Variants in FAM110C observed in about 807,000 individuals in gnomAD.
The protein encoded by FAM110C is family with sequence similarity 110 member C.
FAM110C carries 19 observed loss-of-function variants against 15.7 expected under a neutral mutation model. That is an observed-to-expected ratio of 1.21 (90% CI 0.85 to 1.78). The LOEUF is 1.78. FAM110C is among the 40% of genes most tolerant of loss of function. The pLI is 0.00. For missense variants in FAM110C, 547 were observed against 495.7 expected, an observed-to-expected ratio of 1.10 and a Z score of -0.98; for synonymous variants, 275 against 233.9, an observed-to-expected ratio of 1.18 and a Z score of -1.61.
intron 1 of FAM110C, chr2:44,934 G>T: frequency 6.1e-6 from 6 of 985,416 alleles, no homozygotes; most frequent in Non-Finnish European, 7.2e-6. Context: ...GGAAAGTGCA[G>T]GGAGTCTTCC....
At chr2:41,706 G>A in intron 1 of FAM110C, 79 bp from the exon 2 acceptor site, 1 of 1,531,066 alleles carries the variant, frequency 6.5e-7, no homozygotes. Flanking sequence ...ACATTATACT[G>A]GTCTGGTCCC....
At position 46,235 on chromosome 2, in the gene FAM110C, G is replaced by T; in HGVS notation, c.151C>A (p.Arg51=). Residue 51 remains arginine (R), a synonymous_variant, in exon 1 of 2, where the codon CGG becomes AGG. Transcript: ENST00000327669. Reference sequence around the variant, plus strand: ...GCGACGCCCCGGCCAGTCCCCGGCCGACCCCGCACATACTTGGCGCGATCC... The same window carrying T: ...GCGACGCCCCGGCCAGTCCCCGGCCTACCCCGCACATACTTGGCGCGATCC... ...AADRAKYVRG[R]PGTGRGVASE... is the part of the protein sequence containing the mutation. 1 of 1,401,630 alleles carries T rather than the reference G, an allele frequency of 7.1e-7. No individual in the cohort carries two copies. Among genetic ancestry groups the T allele is most frequent in the Non-Finnish European group, 9.2e-7 (1 of 1,081,538 alleles). 86.8% of individuals were successfully genotyped at this position (1,401,630 alleles called of 1,614,324 possible). A position where few individuals can be genotyped will look rare whatever the true frequency, so the allele number is the denominator to read the frequency against.
rs754624936 is a variant in FAM110C, at chr2:45,983, C to T, written c.403G>A (p.Ala135Thr). ...KLFQGPGKDKAPVPRTGDEGK... is the reference protein window; with the variant it reads ...KLFQGPGKDKTPVPRTGDEGK... ...TCGTCTCCCGTCCGGGGCACCGGCG[C>T]CTTGTCCTTACCCGGCCCCTGGAAG... The change falls in exon 1 of 2, where the codon GCG (alanine) becomes ACG (threonine). Residue 135 changes from alanine (A) to threonine (T), a missense_variant. Physicochemically the swap from Ala to Thr is moderately conservative, Grantham distance 58. Transcript: ENST00000327669. The T allele has an allele frequency of 2.0e-6, 3 of 1,466,366 alleles. No homozygotes were observed. Among genetic ancestry groups the T allele is most frequent in the African/African-American group, 3.0e-5 (2 of 67,674 alleles). The allele number at this position is 1,466,366 out of a possible 1,614,324, so 90.8% of individuals were successfully genotyped here.
At position 45,870 on chromosome 2, in the gene FAM110C, C is replaced by A; in HGVS notation, c.516G>T (p.Ala172=). Residue 172 remains alanine (A), a synonymous_variant, in exon 1 of 2, where the codon GCG becomes GCT. Coordinates refer to ENST00000327669, the MANE Select transcript of FAM110C (RefSeq NM_001077710.3). The stretch of plus-strand genomic sequence containing the variant: ...GGACACTGGAGGGCGCCGCGGACCG[C>A]GCGGCTGGGGCTGGGGTCTCGGGGA... The part of the protein sequence containing the change: ...PAIPETPAPA[A]RSAAPSSVPA... The A allele has an allele frequency of 6.7e-7, 1 of 1,489,044 alleles. No individual in the cohort carries two copies. The highest frequency in any genetic ancestry group is 2.6e-5 in the East Asian group (1 of 39,020). The allele number at this position is 1,489,044 out of a possible 1,614,324, so 92.2% of individuals were successfully genotyped here.
At chr2:44,859 A>C in intron 1 of FAM110C, 2 of 985,438 alleles carry the variant, frequency 2.0e-6, no homozygotes, top group South Asian at 9.4e-5. Flanking sequence ...CTTTGTTGCT[A>C]AGTGAATGCC....
rs13024754 is a variant in FAM110C at position 43,361 on chromosome 2, C to T, written c.947-1734G>A. 3.1e-3 allele frequency: 3,055 copies of T among 985,382 alleles called. 8 individuals carry two copies. The highest frequency in any genetic ancestry group is 6.8e-3 in the Middle Eastern group (13 of 1,914). 61.0% of individuals were successfully genotyped at this position (985,382 alleles called of 1,614,324 possible). Reference sequence around the variant, plus strand: ...GCCATTGTCTCCAGTCTGGAACAAACGGGATTCAGGTGGAGGGAGACATGA... The same window carrying T: ...GCCATTGTCTCCAGTCTGGAACAAATGGGATTCAGGTGGAGGGAGACATGA... On this transcript the variant is annotated intron_variant, in intron 1 of 1. Coordinates refer to ENST00000327669, the MANE Select transcript of FAM110C (RefSeq NM_001077710.3).
At chr2:43,677 A>G in intron 1 of FAM110C, 2 of 985,238 alleles carry the variant, frequency 2.0e-6, no homozygotes, top group Non-Finnish European at 2.4e-6. Flanking sequence ...TTTTATTTTT[A>G]TGTTGTCAGG....
At chr2:43,231 C>T (rs1664175041) in intron 1 of FAM110C, 2 of 985,314 alleles carry the variant, frequency 2.0e-6, no homozygotes, top group African/African-American at 3.5e-5. Context: ...TAAAGAAAAT[C>T]TTTATAGTGC....
chr2:45,884 G>C lies in FAM110C; in HGVS notation c.502C>G (p.Pro168Ala), dbSNP rs1664277712. Residue 168 changes from proline to alanine, a missense_variant, in exon 1 of 2, where the codon CCA (proline) becomes GCA (alanine). By Grantham distance (27) the Pro-to-Ala change is conservative. Transcript: ENST00000327669. ...GCCGCGGACCGCGCGGCTGGGGCTG[G>C]GGTCTCGGGGATTGCGGGGTCCGCC... is the stretch of plus-strand genomic sequence containing the variant. ...PAADPAIPET[P>A]APAARSAAPS... 3 of 1,436,906 alleles carry C rather than the reference G, an allele frequency of 2.1e-6. No homozygotes were observed. Among genetic ancestry groups the C allele is most frequent in the South Asian group, 3.0e-5 (2 of 67,202 alleles). The allele number at this position is 1,436,906 out of a possible 1,614,324, so 89.0% of individuals were successfully genotyped here.
rs544168020 is a variant in FAM110C, at chr2:45,802, C to G, written c.584G>C (p.Arg195Pro). Residue 195 changes from arginine (R) to proline (P), a missense_variant, in exon 1 of 2, where the codon CGG becomes CCG. By Grantham distance (103) the Arg-to-Pro change is moderately radical. Transcript: ENST00000327669. Reference sequence around the variant, plus strand: ...GTCCGACTGTGAGCGCTGCAGCCCCCGACGCCTCACCACCCGCGGCTCTGG... The same window carrying G: ...GTCCGACTGTGAGCGCTGCAGCCCCGGACGCCTCACCACCCGCGGCTCTGG... The part of the protein sequence containing the change: ...PGPEPRVVRR[R>P]GLQRSQSDLS... 430 of 1,551,414 alleles carry G rather than the reference C, an allele frequency of 2.8e-4. 5 individuals carry two copies. In the South Asian group the frequency reaches 4.1e-3, roughly 15 times the overall value.
chr2:40,293 T>A lies in FAM110C; in HGVS notation c.*1315A>T, dbSNP rs1367129115. The A allele has an allele frequency of 1.3e-5, 2 of 152,192 alleles. No homozygotes were observed. Among genetic ancestry groups the A allele is most frequent in the African/African-American group, 4.8e-5 (2 of 41,454 alleles). 9.4% of individuals were successfully genotyped at this position (152,192 alleles called of 1,614,324 possible). A position where few individuals can be genotyped will look rare whatever the true frequency, so the allele number is the denominator to read the frequency against. On this transcript the variant is annotated 3_prime_UTR_variant, in exon 2 of 2. Coordinates refer to ENST00000327669, the MANE Select transcript of FAM110C (RefSeq NM_001077710.3). The stretch of plus-strand genomic sequence containing the variant: ...CGGTAAAATAGTTACGAAAAAAGAA[T>A]ACAATATTAACCAAAACTTGAATAA...
At chr2:43,870 A>C (rs1455704819) in intron 1 of FAM110C, 1 of 985,324 alleles carries the variant, frequency 1.0e-6, no homozygotes, top group African/African-American at 1.7e-5. Context: ...TCAGTCATGC[A>C]ACACAGATTA....
Position 39,812 on chromosome 2 carries a change from T to C in FAM110C, c.*1796A>G, listed in dbSNP as rs1664077843. 1 of 152,218 alleles carries C rather than the reference T, an allele frequency of 6.6e-6. No homozygotes were observed. Among genetic ancestry groups the C allele is most frequent in the Admixed American group, 6.5e-5 (1 of 15,282 alleles). 9.4% of individuals were successfully genotyped at this position (152,218 alleles called of 1,614,324 possible). A position where few individuals can be genotyped will look rare whatever the true frequency, so the allele number is the denominator to read the frequency against. On this transcript the variant is annotated 3_prime_UTR_variant, in exon 2 of 2. Transcript: ENST00000327669. ...TTACTTAAAGCTTTCATATCTAAAA[T>C]TGATGGGACATCTGAAAATAAGGGA...
intron 1 of FAM110C, chr2:44,578 C>A (rs917614530): frequency 1.0e-6 from 1 of 985,374 alleles, no homozygotes; most frequent in Non-Finnish European, 1.2e-6. Context: ...AAAGACAGCC[C>A]TGAAAAGGTT....
In FAM110C at chr2:39,883, A is replaced by G. The variant is rs1254134014; in HGVS notation, c.*1725T>C. 6.6e-6 allele frequency: 1 copy of G among 152,244 alleles called. No homozygotes were observed. The highest frequency in any genetic ancestry group is 1.5e-5 in the Non-Finnish European group (1 of 68,044). 9.4% of individuals were successfully genotyped at this position (152,244 alleles called of 1,614,324 possible). On this transcript the variant is annotated 3_prime_UTR_variant, in exon 2 of 2. Coordinates refer to ENST00000327669, the MANE Select transcript of FAM110C (RefSeq NM_001077710.3). Reference sequence around the variant, plus strand: ...CTTTAAAAAACTGCTCTCATCTTTCACATTATCTTCTTTTTAACTAAGTGC... The same window carrying G: ...CTTTAAAAAACTGCTCTCATCTTTCGCATTATCTTCTTTTTAACTAAGTGC...
chr2:46,478 C>T lies in FAM110C; in HGVS notation c.-93G>A, dbSNP rs1558183467. ...CAGTCCCAGGGCCGGTTCCGAAGTCCGCGCCGGGTGGGGAACGGCGCCCCA... is the reference window on the plus strand; with the variant it reads ...CAGTCCCAGGGCCGGTTCCGAAGTCTGCGCCGGGTGGGGAACGGCGCCCCA... On this transcript the variant is annotated 5_prime_UTR_variant, in exon 1 of 2. Coordinates refer to ENST00000327669, the MANE Select transcript of FAM110C (RefSeq NM_001077710.3). The T allele has an allele frequency of 1.4e-5, 15 of 1,037,604 alleles. No homozygotes were observed. The highest frequency in any genetic ancestry group is 4.3e-5 in the Admixed American group (1 of 23,220). The allele number at this position is 1,037,604 out of a possible 1,614,324, so 64.3% of individuals were successfully genotyped here.
At position 38,912 on chromosome 2, in the gene FAM110C, G is replaced by A. The variant is rs1018387140; in HGVS notation, c.*2696C>T. 2.6e-5 allele frequency: 4 copies of A among 152,154 alleles called. No individual in the cohort carries two copies. The highest frequency in any genetic ancestry group is 7.2e-5 in the African/African-American group (3 of 41,430). 9.4% of individuals were successfully genotyped at this position (152,154 alleles called of 1,614,324 possible). On this transcript the variant is annotated 3_prime_UTR_variant, in exon 2 of 2. Transcript: ENST00000327669. ...ATAGAAAAAGCTCTGTTTAGAAACT[G>A]CCATAGCAATTGTCTAAGTCTACTA...
Position 40,607 on chromosome 2 carries a change from C to T in FAM110C, c.*1001G>A, listed in dbSNP as rs1664098494. The T allele has an allele frequency of 1.3e-5, 2 of 152,272 alleles. No homozygotes were observed. Among genetic ancestry groups the T allele is most frequent in the Middle Eastern group, 3.4e-3 (1 of 294 alleles). 9.4% of individuals were successfully genotyped at this position (152,272 alleles called of 1,614,324 possible). On this transcript the variant is annotated 3_prime_UTR_variant, in exon 2 of 2. Transcript: ENST00000327669. ...GCTGTCCCTTGTTTCAAAATATGCCCTTTGCAGAAAAGAGTGAATTGGTGT... is the reference window on the plus strand; with the variant it reads ...GCTGTCCCTTGTTTCAAAATATGCCTTTTGCAGAAAAGAGTGAATTGGTGT...
At position 41,463 on chromosome 2, in the gene FAM110C, A is replaced by G. The variant is rs775610528; in HGVS notation, c.*145T>C. The G allele has an allele frequency of 8.5e-6, 7 of 823,068 alleles. No homozygotes were observed. Among genetic ancestry groups the G allele is most frequent in the Non-Finnish European group, 1.3e-5 (7 of 529,722 alleles). The allele number at this position is 823,068 out of a possible 1,614,324, so 51.0% of individuals were successfully genotyped here. On this transcript the variant is annotated 3_prime_UTR_variant, in exon 2 of 2. Coordinates refer to ENST00000327669, the MANE Select transcript of FAM110C (RefSeq NM_001077710.3). ...AGGTCTGTGTTCCCATATTCTCTGT[A>G]GTATTTTAAACCTTCTCAGAGCACT...
Sources: gnomAD v4.1 joint callset for allele counts on GRCh38, gnomAD v4.1.1 for gene constraint, MANE v1.5 for transcripts, NCBI Gene and HGNC (gene_info 2026-07-23, HGNC 2026-07-21) for gene names.